Variants in TANC2 observed in about 807,000 individuals in gnomAD.
TANC2 encodes the protein protein TANC2.
Under a neutral mutation model 210.5 loss-of-function variants are expected in TANC2, and 26 were observed. The ratio of observed to expected loss-of-function variants is 0.12; its 90% CI spans 0.09 to 0.17. The LOEUF is 0.17. Ranked by LOEUF, TANC2 falls within the 10% of genes least tolerant of loss-of-function variation. The pLI, the probability that TANC2 is intolerant of heterozygous loss-of-function variation, is 1.00. For synonymous variants in TANC2, 931 were observed against 967.1 expected (o/e 0.96, Z 0.69); for missense variants, 2,129 against 2,608.9 (o/e 0.82, Z 4.01).
intron 2 of TANC2, among the ~76,000 whole-genome samples, chr17:63,028,048 C>CTTT (rs1426181285): frequency 6.6e-6 from 1 of 151,888 alleles, no homozygotes; most frequent in Non-Finnish European, 1.5e-5. Context: ...TGAGTTGTCA[C>CTTT]TAAAAATCTT....
chr17:63,410,860 C>CAAAAAA (rs34268418), intron 21 of TANC2, among the ~76,000 whole-genome samples: 52 of 39,006 alleles, frequency 1.3e-3, no homozygotes, highest in Admixed American at 2.2e-3. Flanking sequence ...GACTCCATCT[C>CAAAAAA]AAAAAAAAAA....
intron 11 of TANC2, among the ~76,000 whole-genome samples, chr17:63,326,324 A>G (rs1056831755): frequency 6.6e-6 from 1 of 152,190 alleles, no homozygotes; most frequent in Non-Finnish European, 1.5e-5. Context: ...CAACTAAATA[A>G]CCATATAGAT....
intron 1 of TANC2, among the ~76,000 whole-genome samples, chr17:63,007,928 T>C (rs920212291): frequency 7.9e-5 from 12 of 151,978 alleles, no homozygotes; most frequent in African/African-American, 2.9e-4. Context: ...TGTTTTTTCT[T>C]TTGATTTTCA....
intron 4 of TANC2, among the ~76,000 whole-genome samples, chr17:63,105,313 A>G (rs1181440681): frequency 6.6e-6 from 1 of 151,762 alleles, no homozygotes; most frequent in Non-Finnish European, 1.5e-5. Context: ...GATCATGCTG[A>G]GCCTGGATAT....
At chr17:63,293,963 A>T (rs539114081) in intron 9 of TANC2, among the ~76,000 whole-genome samples, 1 of 152,232 alleles carries the variant, frequency 6.6e-6, no homozygotes, top group South Asian at 2.1e-4. Flanking sequence ...TCCTGGGCTC[A>T]AGCAGTCTTC....
chr17:63,375,353 T>C lies in TANC2; in HGVS notation c.2583-4365T>C, dbSNP rs564870029. ...TGCCTGATGCAAAAGCAAGCAGTTA[T>C]CTCTAGCCAGCTGAAATGAAGACTA... On this transcript the variant is annotated intron_variant, in intron 14 of 27. Coordinates refer to ENST00000689528, the Ensembl canonical transcript of TANC2. Among the ~76,000 whole-genome samples the C allele has an allele frequency of 1.1e-4, 17 of 152,358 alleles. No homozygotes were observed. In the South Asian group the frequency reaches 3.5e-3, roughly 32 times the overall value.
intron 3 of TANC2, chr17:63,088,966 T>C (rs1456965383): frequency 1.3e-5 from 2 of 152,198 alleles, no homozygotes; most frequent in African/African-American, 2.4e-5. Context: ...CTTTTCCATA[T>C]AGATTTCATT....
intron 5 of TANC2, chr17:63,154,247 T>C (rs1260954686): frequency 6.6e-6 from 1 of 152,132 alleles, no homozygotes; most frequent in Non-Finnish European, 1.5e-5. Flanking sequence ...AGAATTCAAG[T>C]GATTTGTCTA....
intron 4 of TANC2, among the ~76,000 whole-genome samples, chr17:63,132,646 A>G (rs983191592): frequency 6.6e-6 from 1 of 152,138 alleles, no homozygotes; most frequent in Non-Finnish European, 1.5e-5. Flanking sequence ...TGCTAGCCAG[A>G]TTATACCAGG....
chr17:63,377,170 G>A (rs1003247208), intron 14 of TANC2, among the ~76,000 whole-genome samples: 4 of 152,204 alleles, frequency 2.6e-5, no homozygotes, highest in African/African-American at 9.7e-5. Context: ...CCAGGCCTGT[G>A]ATGGGAGGGG....
intron 9 of TANC2, among the ~76,000 whole-genome samples, chr17:63,290,719 G>A (rs962986663): frequency 6.6e-5 from 10 of 152,040 alleles, no homozygotes; most frequent in Admixed American, 3.3e-4. Context: ...ATCTAGTGCC[G>A]CTTACTCCAT....
chr17:63,277,422 C>G (rs74909212), intron 9 of TANC2, among the ~76,000 whole-genome samples: 21,832 of 151,600 alleles, frequency 0.14, 1,996 homozygotes, highest in Middle Eastern at 0.21. Context: ...GTTATCTTTT[C>G]TGCTTCTCTG....
In TANC2 at chr17:63,420,974, TGGG is replaced by T. The variant is rs1413609915; in HGVS notation, c.5247_5249del (p.Gly1750del). The T allele has an allele frequency of 5.0e-6, 8 of 1,613,910 alleles. No homozygotes were observed. Among genetic ancestry groups the T allele is most frequent in the Admixed American group, 1.7e-5 (1 of 60,018 alleles). On this transcript the variant is annotated inframe_deletion, in exon 28 of 28. Coordinates refer to ENST00000689528, the Ensembl canonical transcript of TANC2. This position sits in a 1 kb window ranked among gnomAD's most constrained non-coding sequence, Gnocchi z 4.2. ...GCCGGTTGGTTTATCAAGGGTCAATTGGGGGAATCGTAGGGGATGGAAGGCCGG... is the reference window on the plus strand; with the variant it reads ...GCCGGTTGGTTTATCAAGGGTCAATTGGAATCGTAGGGGATGGAAGGCCGG...
chr17:63,312,377 A>G (rs935579783), intron 9 of TANC2, among the ~76,000 whole-genome samples: 4 of 152,192 alleles, frequency 2.6e-5, no homozygotes, highest in Non-Finnish European at 4.4e-5. Flanking sequence ...GGAATACTAT[A>G]TAGCCATAAA....
At chr17:63,090,212 TGA>T (rs2037131315) in intron 3 of TANC2, among the ~76,000 whole-genome samples, 1 of 115,222 alleles carries the variant, frequency 8.7e-6, no homozygotes, top group South Asian at 2.7e-4. Context: ...CTTTTTTTTT[TGA>T]GTTTTTTTTT....
At chr17:63,143,121 G>T (rs968983846) in intron 4 of TANC2, among the ~76,000 whole-genome samples, 12 of 152,090 alleles carry the variant, frequency 7.9e-5, no homozygotes, top group Admixed American at 4.6e-4. Context: ...TTATGGAATT[G>T]GTTTACAAAT....
intron 13 of TANC2, among the ~76,000 whole-genome samples, chr17:63,354,221 C>G (rs1482477429): frequency 6.6e-6 from 1 of 152,174 alleles, no homozygotes; most frequent in Non-Finnish European, 1.5e-5. Flanking sequence ...CTATTGGAAT[C>G]TGTTACCAAG....
chr17:63,304,823 G>A (rs1370819674), intron 9 of TANC2, among the ~76,000 whole-genome samples: 1 of 152,220 alleles, frequency 6.6e-6, no homozygotes, highest in Non-Finnish European at 1.5e-5. Flanking sequence ...CGTGCAATGA[G>A]GAGGGATGGG....
At position 63,314,585 on chromosome 17, in the gene TANC2, A is replaced by G. The variant is rs150364213; in HGVS notation, c.1357A>G (p.Ile453Val). 6.3e-5 allele frequency: 101 copies of G among 1,613,982 alleles called. No homozygotes were observed. Among genetic ancestry groups the G allele is most frequent in the Middle Eastern group, 3.3e-4 (2 of 6,062 alleles). Residue 453 changes from isoleucine (I) to valine (V), a missense_variant, in exon 10 of 28, where the codon ATC becomes GTC. Physicochemically the swap from Ile to Val is conservative, Grantham distance 29. Around this residue, in one of 5 missense-constraint regions of TANC2, gnomAD observed 739 missense variants for 848.0 expected, o/e 0.87. Transcript: ENST00000689528. ...AAACATTGGATTCGGCAAAACTGCC[A>G]TCATCTCCAGACTGGTGGCCCTCAG...
Sources: gnomAD v4.1 joint callset for allele counts (sites outside exome capture counted in the v4.1 genomes callset) on GRCh38, gnomAD v4.1.1 for gene constraint, gnomAD v4.1.1 regional missense constraint, Gnocchi (gnomAD v3.1) non-coding constraint, MANE v1.5 for transcripts, NCBI Gene and HGNC (gene_info 2026-07-23, HGNC 2026-07-21) for gene names.